RBM46: variants seen among roughly 807,000 people sequenced by gnomAD.
RBM46 encodes probable RNA-binding protein 46.
A neutral mutation model predicts 43.3 loss-of-function variants in RBM46; 12 were observed. That is an observed-to-expected ratio of 0.28 (90% confidence interval 0.18 to 0.45). The LOEUF is 0.45. Ranked by LOEUF, RBM46 falls within the 20% of genes least tolerant of loss-of-function variation. RBM46 has a pLI of 1.00. For synonymous variants in RBM46, 205 were observed against 207.6 expected (o/e 0.99, Z 0.11); for missense variants, 412 against 639.1 (o/e 0.64, Z 3.83).
At chr4:154,790,785 A>G (rs1409511377) in intron 1 of RBM46, among the ~76,000 whole-genome samples, 2 of 152,208 alleles carry the variant, frequency 1.3e-5, no homozygotes, top group African/African-American at 4.8e-5. Flanking sequence ...AAAATTAGCC[A>G]TTTCATGGAT....
At chr4:154,813,829 TG>T (rs1351462459) in intron 4 of RBM46, among the ~76,000 whole-genome samples, 1 of 152,062 alleles carries the variant, frequency 6.6e-6, no homozygotes, top group Non-Finnish European at 1.5e-5. Context: ...ACCGGAATCC[TG>T]TGCACTCAGT....
chr4:154,789,585 A>G (rs941275555), intron 1 of RBM46, among the ~76,000 whole-genome samples: 13 of 152,300 alleles, frequency 8.5e-5, no homozygotes, highest in South Asian at 6.2e-4. Context: ...CCAGTATTTT[A>G]GTGAGGATTT....
At position 154,799,863 on chromosome 4, in the gene RBM46, G is replaced by A. The variant is rs1281651608; in HGVS notation, c.1402+299G>A. On this transcript the variant is annotated intron_variant, in intron 4 of 4. Transcript: ENST00000281722. The stretch of plus-strand genomic sequence containing the variant: ...CAACCTGTGCCTCCTAGGTTCAGGC[G>A]ATTCTCCTGCCTCAGCCTCCCGCGT... 2.7e-5 allele frequency among the ~76,000 whole-genome samples: 4 copies of A among 150,492 alleles called. No individual in the cohort carries two copies. The East Asian group carries it at 6.0e-4, about 22-fold the overall frequency.
intron 4 of RBM46, among the ~76,000 whole-genome samples, chr4:154,800,499 C>A (rs1734580617): frequency 6.6e-6 from 1 of 152,136 alleles, no homozygotes; most frequent in African/African-American, 2.4e-5. Flanking sequence ...AAAGGCTTTG[C>A]AAAAGCATAG....
chr4:154,823,070 A>G (rs1171345936), intron 4 of RBM46, among the ~76,000 whole-genome samples: 2 of 151,906 alleles, frequency 1.3e-5, no homozygotes, highest in African/African-American at 4.8e-5. Context: ...TAATCTAGCT[A>G]TATGATGATA....
At chr4:154,783,888 A>G (rs1195000040) in intron 1 of RBM46, among the ~76,000 whole-genome samples, 1 of 152,198 alleles carries the variant, frequency 6.6e-6, no homozygotes, top group African/African-American at 2.4e-5. Context: ...TTAGACTTCC[A>G]TGTCCACACA....
chr4:154,810,419 G>A (rs1260195232), intron 4 of RBM46, among the ~76,000 whole-genome samples: 1 of 152,042 alleles, frequency 6.6e-6, no homozygotes, highest in African/African-American at 2.4e-5. Context: ...ATATGTAATA[G>A]GACAGTGAAC....
chr4:154,789,206 C>A (rs1482258108), intron 1 of RBM46, among the ~76,000 whole-genome samples: 1 of 152,122 alleles, frequency 6.6e-6, no homozygotes, highest in Non-Finnish European at 1.5e-5. Flanking sequence ...GAACTTCCAA[C>A]ACTATGTTGA....
At chr4:154,816,832 A>C (rs1735467092) in intron 4 of RBM46, among the ~76,000 whole-genome samples, 1 of 152,140 alleles carries the variant, frequency 6.6e-6, no homozygotes, top group Non-Finnish European at 1.5e-5. Context: ...GTCGTTTATC[A>C]CTTAAGATAC....
At chr4:154,787,602 G>T (rs1384201624) in intron 1 of RBM46, among the ~76,000 whole-genome samples, 2 of 152,114 alleles carry the variant, frequency 1.3e-5, no homozygotes, top group East Asian at 1.9e-4. Flanking sequence ...ATTGGGGTTG[G>T]TGTGAAGTCT....
intron 3 of RBM46, 24 bp downstream of exon 3, chr4:154,798,302 A>G (rs750429755): frequency 9.9e-6 from 14 of 1,413,054 alleles, no homozygotes; most frequent in Non-Finnish European, 1.4e-5. Flanking sequence ...TTGTTTTTCA[A>G]TATTAACATT....
intron 1 of RBM46, chr4:154,781,805 GT>G (rs1262043538): frequency 6.6e-6 from 1 of 152,596 alleles, no homozygotes; most frequent in Non-Finnish European, 1.5e-5. Context: ...TGCATTTCGT[GT>G]TATTTTCCTG....
chr4:154,792,265 A>G (rs1465070681), intron 1 of RBM46, among the ~76,000 whole-genome samples: 1 of 152,218 alleles, frequency 6.6e-6, no homozygotes, highest in Non-Finnish European at 1.5e-5. Context: ...AATAAATGAG[A>G]TAATGTATAT....
At chr4:154,827,341 T>A in intron 4 of RBM46, 1 of 970,186 alleles carries the variant, frequency 1.0e-6, no homozygotes, top group Non-Finnish European at 1.2e-6. Context: ...AATCAGTATG[T>A]TGAGTTAGAT....
intron 1 of RBM46, among the ~76,000 whole-genome samples, chr4:154,784,138 G>T (rs1305060042): frequency 6.6e-6 from 1 of 152,066 alleles, no homozygotes; most frequent in African/African-American, 2.4e-5. Context: ...CCCTATAAAG[G>T]CACGCTTTGA....
chr4:154,795,862 C>G (rs1475194650), intron 1 of RBM46, among the ~76,000 whole-genome samples: 3 of 151,976 alleles, frequency 2.0e-5, no homozygotes, highest in Non-Finnish European at 4.4e-5. Flanking sequence ...AGACTGATTT[C>G]AAGAAATATT....
rs1736056599 is a variant in RBM46 at position 154,828,159 on chromosome 4, G to C, written c.*92G>C. The C allele has an allele frequency of 5.0e-6, 5 of 1,000,000 alleles. No homozygotes were observed. The highest frequency in any genetic ancestry group is 7.7e-6 in the Non-Finnish European group (5 of 647,638). The allele number at this position is 1,000,000 out of a possible 1,614,324, so 61.9% of individuals were successfully genotyped here. A position where few individuals can be genotyped will look rare whatever the true frequency, so the allele number is the denominator to read the frequency against. ...ATTGTTTTATTTTAGAATCGGGTTT[G>C]CATATTTGGTTTTAAAAAGGTATTT... On this transcript the variant is annotated 3_prime_UTR_variant, in exon 5 of 5. Coordinates refer to ENST00000281722, the MANE Select transcript of RBM46 (RefSeq NM_144979.5).
intron 1 of RBM46, among the ~76,000 whole-genome samples, chr4:154,793,527 A>T (rs557121740): frequency 1.2e-4 from 18 of 152,154 alleles, no homozygotes; most frequent in Non-Finnish European, 2.1e-4. Context: ...CCCAGCAGAT[A>T]ATTATTGAGT....
At chr4:154,816,427 A>G (rs1369458167) in intron 4 of RBM46, among the ~76,000 whole-genome samples, 1 of 152,124 alleles carries the variant, frequency 6.6e-6, no homozygotes, top group Admixed American at 6.6e-5. Flanking sequence ...TCAGTAGTTT[A>G]CTGTTTAAAT....
Sources: gnomAD v4.1 joint callset for allele counts (sites outside exome capture counted in the v4.1 genomes callset) on GRCh38, gnomAD v4.1.1 for gene constraint, MANE v1.5 for transcripts, NCBI Gene and HGNC (gene_info 2026-07-23, HGNC 2026-07-21) for gene names.